The following RAD51C variants were observed in gnomAD, a reference collection of about 807,000 sequenced individuals.
The protein encoded by RAD51C is DNA repair protein RAD51 homolog 3.
RAD51C carries 42 observed loss-of-function variants against 45.0 expected under a neutral mutation model. That is an observed-to-expected ratio of 0.93 (90% confidence interval 0.73 to 1.21). RAD51C has a LOEUF of 1.21. RAD51C is among the 50% of genes most tolerant of loss of function. The probability of loss-of-function intolerance (pLI) is 0.00; values close to 1 mark genes in which losing one functional copy is unlikely to be tolerated. For synonymous variants in RAD51C, 172 were observed against 159.8 expected (o/e 1.08, Z -0.58); for missense variants, 474 against 452.2 (o/e 1.05, Z -0.44).
chr17:58,696,875 ATCT>A lies in RAD51C; in HGVS notation c.571+21_571+23del, dbSNP rs1168224153. On this transcript the variant is annotated intron_variant, in intron 3 of 8. Coordinates refer to ENST00000337432, the MANE Select transcript of RAD51C (RefSeq NM_058216.3). ...AAGGGAGAGGGTAAGTTAGTAAATGATCTTCTTTTTTTCTGTATTAATAAAAGT... is the reference window on the plus strand; with the variant it reads ...AAGGGAGAGGGTAAGTTAGTAAATGATCTTTTTTTCTGTATTAATAAAAGT... 2.6e-5 allele frequency: 42 copies of A among 1,613,156 alleles called. No homozygotes were observed. The highest frequency in any genetic ancestry group is 2.3e-4 in the Admixed American group (14 of 59,998).
rs1060502588 is a variant in RAD51C, at chr17:58,703,316, C to G, written c.692C>G (p.Ser231Ter). The G allele has an allele frequency of 6.2e-7, 1 of 1,611,944 alleles. No individual in the cohort carries two copies. The highest frequency in any genetic ancestry group is 8.5e-7 in the Non-Finnish European group (1 of 1,178,484). The change falls in exon 4 of 9, where the codon TCA (serine) becomes TGA (stop). Residue 231 changes from serine (S) to a stop codon, truncating the protein, a stop_gained. Coordinates refer to ENST00000337432, the MANE Select transcript of RAD51C (RefSeq NM_058216.3). LOFTEE classifies it high-confidence loss of function. ...GTTTATCTTCTTCCAGATTTCCTTT[C>G]AGAACACTCAAAGGTATGAGTCAGA... is the stretch of plus-strand genomic sequence containing the variant. ...AQVYLLPDFL[S>*]EHSKVRLVIV...
chr17:58,709,092 C>CTTTTTTTTTTTTTTTTTTTTTTTTT, intron 4 of RAD51C, among the ~76,000 whole-genome samples: 1 of 117,056 alleles, frequency 8.5e-6, no homozygotes, highest in Non-Finnish European at 1.7e-5. Context: ...TTTTGAATTA[C>CTTTTTTTTTTTTTTTTTTTTTTTTT]TTTTTTTTTT....
chr17:58,696,649 G>A (rs747744036), intron 2 of RAD51C, 44 bp from the exon 3 acceptor site: 64 of 1,612,968 alleles, frequency 4.0e-5, no homozygotes, highest in Non-Finnish European at 5.3e-5. Flanking sequence ...CACTACCTTA[G>A]ATCATCATCA....
chr17:58,705,345 G>A (rs923412605), intron 4 of RAD51C, among the ~76,000 whole-genome samples: 14 of 130,910 alleles, frequency 1.1e-4, no homozygotes, highest in Admixed American at 2.3e-4. Context: ...TCTTTTTTTT[G>A]GGGGGGGGGT....
intron 5 of RAD51C, among the ~76,000 whole-genome samples, chr17:58,719,883 C>T (rs1745964492): frequency 6.6e-6 from 1 of 151,336 alleles, no homozygotes. Context: ...CGCCCGCCAC[C>T]ACGCCCAGCT....
intron 4 of RAD51C, among the ~76,000 whole-genome samples, chr17:58,708,556 C>T (rs1193473369): frequency 6.6e-6 from 1 of 151,660 alleles, no homozygotes; most frequent in Non-Finnish European, 1.5e-5. Flanking sequence ...TTGTTTAATC[C>T]AACCCTTACT....
intron 4 of RAD51C, among the ~76,000 whole-genome samples, chr17:58,706,202 G>T (rs1455870037): frequency 4.6e-5 from 7 of 152,006 alleles, no homozygotes; most frequent in African/African-American, 7.3e-5. Context: ...GCTGAGGCAG[G>T]CAGATCACGA....
chr17:58,724,189 A>G, intron 7 of RAD51C, 89 bp downstream of exon 7: 2 of 1,278,858 alleles, frequency 1.6e-6, no homozygotes, highest in Non-Finnish European at 2.3e-6. Flanking sequence ...AGTCCTGTGG[A>G]TGAGATATAC....
At chr17:58,733,028 T>C (rs997331741) in intron 8 of RAD51C, among the ~76,000 whole-genome samples, 8 of 151,990 alleles carry the variant, frequency 5.3e-5, no homozygotes, top group African/African-American at 1.7e-4. Flanking sequence ...TGGCATCTCT[T>C]TTTTTTTGAG....
intron 3 of RAD51C, among the ~76,000 whole-genome samples, chr17:58,701,641 G>A (rs952171099): frequency 2.7e-5 from 4 of 148,706 alleles, no homozygotes; most frequent in African/African-American, 9.8e-5. Context: ...CGGGATCTCA[G>A]CTCACTACAA....
At chr17:58,733,021 C>G (rs1441127415) in intron 8 of RAD51C, among the ~76,000 whole-genome samples, 2 of 152,000 alleles carry the variant, frequency 1.3e-5, no homozygotes. Context: ...ATATTTTTGG[C>G]ATCTCTTTTT....
intron 7 of RAD51C, among the ~76,000 whole-genome samples, chr17:58,725,605 T>C (rs1321212567): frequency 6.6e-6 from 1 of 152,186 alleles, no homozygotes; most frequent in Non-Finnish European, 1.5e-5. Flanking sequence ...GAAGTTAGCA[T>C]TGATAAGTTA....
intron 7 of RAD51C, among the ~76,000 whole-genome samples, chr17:58,726,937 C>T (rs1288532668): frequency 6.6e-6 from 1 of 152,114 alleles, no homozygotes; most frequent in East Asian, 1.9e-4. Context: ...TCTCCTGCCT[C>T]AGCCTCCCGA....
At chr17:58,714,619 C>T (rs748674729) in intron 5 of RAD51C, among the ~76,000 whole-genome samples, 33 of 152,082 alleles carry the variant, frequency 2.2e-4, no homozygotes, top group Non-Finnish European at 3.8e-4. Context: ...CCACCATGCC[C>T]GGCTAATTTT....
chr17:58,697,540 T>TAAAAA (rs34530914), intron 3 of RAD51C, among the ~76,000 whole-genome samples: 19 of 103,974 alleles, frequency 1.8e-4, no homozygotes, highest in Middle Eastern at 6.2e-3. Context: ...CTCTGTCTCT[T>TAAAAA]AAAAAAAAAA....
chr17:58,727,141 T>G (rs2049192601), intron 7 of RAD51C, among the ~76,000 whole-genome samples: 1 of 145,462 alleles, frequency 6.9e-6, no homozygotes, highest in South Asian at 2.2e-4. Context: ...TTTTTTTTTT[T>G]GAGAGGGAGT....
chr17:58,724,396 C>T (rs1379230650), intron 7 of RAD51C, among the ~76,000 whole-genome samples: 1 of 151,192 alleles, frequency 6.6e-6, no homozygotes, highest in Non-Finnish European at 1.5e-5. Flanking sequence ...ATTTATTAGC[C>T]ATGTAGAAGG....
At chr17:58,694,675 A>G (rs185900954) in intron 1 of RAD51C, 4 of 444,998 alleles carry the variant, frequency 9.0e-6, no homozygotes, top group African/African-American at 6.0e-5. Context: ...GAGTTTCACC[A>G]TGTTGGCCAG....
In RAD51C at chr17:58,699,722, A is replaced by G. The variant is rs1455096561; in HGVS notation, c.571+2863A>G. On this transcript the variant is annotated intron_variant, in intron 3 of 8. Transcript: ENST00000337432. ...CAACTTTAGACCATTATCAGCGTAC[A>G]TAACAAATTTTACTAGCTATCTTTT... Among the ~76,000 whole-genome samples, 1 of 152,238 alleles carries G rather than the reference A, an allele frequency of 6.6e-6. No individual in the cohort carries two copies. Among genetic ancestry groups the G allele is most frequent in the Non-Finnish European group, 1.5e-5 (1 of 68,044 alleles).
Sources: allele counts gnomAD v4.1 joint callset (sites outside exome capture counted in the v4.1 genomes callset), GRCh38; gene constraint gnomAD v4.1.1; transcripts MANE v1.5; gene names NCBI Gene and HGNC (gene_info 2026-07-23, HGNC 2026-07-21).